Variants in CELF4 observed in about 807,000 individuals in gnomAD.
CELF4 encodes CUG-BP- and ETR-3-like factor 4.
CELF4 carries 18 observed loss-of-function variants against 59.9 expected under a neutral mutation model. The observed-to-expected ratio is 0.30, with a 90% CI of 0.21 to 0.45. The LOEUF (loss-of-function observed/expected upper bound fraction) is 0.45. CELF4 is among the 20% of genes least tolerant of loss of function. The pLI is 1.00. For synonymous variants in CELF4, 261 were observed against 267.1 expected (o/e 0.98, Z 0.22); for missense variants, 456 against 689.0 (o/e 0.66, Z 3.79).
chr18:37,308,412 C>T (rs2096525555), intron 3 of CELF4, among the ~76,000 whole-genome samples: 1 of 152,228 alleles, frequency 6.6e-6, no homozygotes, highest in African/African-American at 2.4e-5. Context: ...CTGCAGCAGA[C>T]ACTGTCCTCC....
intron 2 of CELF4, among the ~76,000 whole-genome samples, chr18:37,468,817 C>T (rs1340161813): frequency 6.6e-6 from 1 of 152,086 alleles, no homozygotes; most frequent in Non-Finnish European, 1.5e-5. Context: ...GTAAAACCAT[C>T]AGATCTTGTG....
At chr18:37,549,522 G>C (rs1187504007) in intron 1 of CELF4, among the ~76,000 whole-genome samples, 1 of 152,140 alleles carries the variant, frequency 6.6e-6, no homozygotes, top group Admixed American at 6.5e-5. Flanking sequence ...TGCCTTGCTG[G>C]CACACATCCT....
chr18:37,245,917 AT>A lies in CELF4; in HGVS notation c.*45-721del, dbSNP rs1182306284. On this transcript the variant is annotated intron_variant, in intron 12 of 12. Transcript: ENST00000420428. This position sits in a 1 kb window ranked among gnomAD's most constrained non-coding sequence, Gnocchi z 4.1. ...GGAATTCAGAACTTCAAGGGAGTGG[AT>A]GGGAAAACCTAAAAAAGGTCAGAAG... is the stretch of plus-strand genomic sequence containing the variant. Among the ~76,000 whole-genome samples, 3 of 152,226 alleles carry A rather than the reference AT, an allele frequency of 2.0e-5. No individual in the cohort carries two copies. The highest frequency in any genetic ancestry group is 1.3e-4 in the Admixed American group (2 of 15,278).
intron 2 of CELF4, among the ~76,000 whole-genome samples, chr18:37,358,363 C>A (rs1396928699): frequency 6.6e-6 from 1 of 152,182 alleles, no homozygotes; most frequent in African/African-American, 2.4e-5. Flanking sequence ...CTTGCTTCGC[C>A]TTGCCTTCCG....
At chr18:37,335,190 T>A (rs2097722387) in intron 2 of CELF4, among the ~76,000 whole-genome samples, 1 of 152,044 alleles carries the variant, frequency 6.6e-6, no homozygotes, top group Non-Finnish European at 1.5e-5. Context: ...CGCCATCAAT[T>A]AGCCATCTCC....
intron 3 of CELF4, among the ~76,000 whole-genome samples, chr18:37,313,320 T>C (rs913712207): frequency 1.1e-4 from 16 of 152,226 alleles, no homozygotes; most frequent in Admixed American, 1.0e-3. Context: ...CCCTCCTGCC[T>C]GGGCCGAGGG....
intron 1 of CELF4, chr18:37,529,252 C>T (rs1490924937): frequency 6.6e-6 from 1 of 152,188 alleles, no homozygotes; most frequent in East Asian, 1.9e-4. Flanking sequence ...GGATGGGTAA[C>T]CTGGACTTCT....
intron 3 of CELF4, among the ~76,000 whole-genome samples, chr18:37,292,333 T>G (rs1301164885): frequency 1.3e-5 from 2 of 152,218 alleles, no homozygotes; most frequent in African/African-American, 2.4e-5. Context: ...TTAACAAGAC[T>G]GTCCAAAGCC....
At chr18:37,279,608 T>C (rs1186934068) in intron 3 of CELF4, among the ~76,000 whole-genome samples, 2 of 152,168 alleles carry the variant, frequency 1.3e-5, no homozygotes, top group African/African-American at 4.8e-5. Context: ...TCTACAGTGG[T>C]AAACAAGAGA....
intron 3 of CELF4, among the ~76,000 whole-genome samples, chr18:37,296,719 T>G (rs954272601): frequency 6.6e-6 from 1 of 152,200 alleles, no homozygotes; most frequent in Non-Finnish European, 1.5e-5. Context: ...CTAACAGCCC[T>G]GCCTGTTGCT....
intron 1 of CELF4, among the ~76,000 whole-genome samples, chr18:37,555,547 T>C (rs1013449602): frequency 1.5e-4 from 23 of 152,360 alleles, no homozygotes; most frequent in African/African-American, 5.1e-4. Flanking sequence ...TGATTAATTT[T>C]ACATGGGCAT....
At chr18:37,552,351 G>T (rs558823357) in intron 1 of CELF4, among the ~76,000 whole-genome samples, 1 of 152,340 alleles carries the variant, frequency 6.6e-6, no homozygotes, top group South Asian at 2.1e-4. Flanking sequence ...CCTGCAGGGG[G>T]CCATGGTATG....
At chr18:37,441,703 G>A (rs1439980643) in intron 2 of CELF4, among the ~76,000 whole-genome samples, 1 of 152,050 alleles carries the variant, frequency 6.6e-6, no homozygotes, top group Non-Finnish European at 1.5e-5. Flanking sequence ...AAACAGAAGG[G>A]GACACCTATC....
intron 1 of CELF4, among the ~76,000 whole-genome samples, chr18:37,523,333 T>C (rs185170661): frequency 6.6e-6 from 1 of 152,304 alleles, no homozygotes; most frequent in East Asian, 1.9e-4. Flanking sequence ...AGATGTTCTT[T>C]TGGGATATCA....
chr18:37,322,014 C>T, intron 2 of CELF4, 133 bp from the exon 3 acceptor site: 1 of 609,464 alleles, frequency 1.6e-6, no homozygotes. Flanking sequence ...CAACATGCTG[C>T]TGCAAGCACA....
chr18:37,262,241 C>T (rs1292460564), intron 10 of CELF4, among the ~76,000 whole-genome samples: 1 of 152,208 alleles, frequency 6.6e-6, no homozygotes, highest in African/African-American at 2.4e-5. Context: ...TCGTGCATTA[C>T]TCTTCCCCAT....
intron 6 of CELF4, chr18:37,273,964 T>C (rs2092442277): frequency 2.7e-6 from 3 of 1,124,906 alleles, no homozygotes; most frequent in Non-Finnish European, 3.3e-6. Context: ...TTGCAACCAA[T>C]GACCTGAACC....
rs116827873 is a variant in CELF4, at chr18:37,478,374, T to C, written c.369+7151A>G. 3.6e-3 allele frequency among the ~76,000 whole-genome samples: 546 copies of C among 152,344 alleles called. 4 individuals carry two copies. Among genetic ancestry groups the C allele is most frequent in the African/African-American group, 0.012 (512 of 41,592 alleles). The stretch of plus-strand genomic sequence containing the variant: ...TTGTTTGTTTATTTCCTTCAAGTCA[T>C]GTATGATGACTGCAGGCACAGAGGT... On this transcript the variant is annotated intron_variant, in intron 2 of 12. Transcript: ENST00000420428.
At chr18:37,363,316 C>T (rs1411298898) in intron 2 of CELF4, among the ~76,000 whole-genome samples, 1 of 152,200 alleles carries the variant, frequency 6.6e-6, no homozygotes, top group African/African-American at 2.4e-5. Context: ...AATTTATCAC[C>T]TACCAGGACA....
Sources: gnomAD v4.1 joint callset for allele counts (sites outside exome capture counted in the v4.1 genomes callset) on GRCh38, gnomAD v4.1.1 for gene constraint, Gnocchi (gnomAD v3.1) non-coding constraint, MANE v1.5 for transcripts, NCBI Gene and HGNC (gene_info 2026-07-23, HGNC 2026-07-21) for gene names.